LNX1: variants seen among roughly 807,000 people sequenced by gnomAD.
LNX1 encodes the protein E3 ubiquitin-protein ligase LNX.
In LNX1, 54 loss-of-function variants were observed where a neutral mutation model predicts 68.4. The ratio of observed to expected loss-of-function variants is 0.79; its 90% CI spans 0.63 to 0.99. The LOEUF (loss-of-function observed/expected upper bound fraction) is 0.99. Among genes scored for constraint, LNX1 ranks in the 50% least tolerant of loss-of-function variants. The pLI, the probability that LNX1 is intolerant of heterozygous loss-of-function variation, is 0.00. For missense variants in LNX1, 906 were observed against 926.4 expected, an observed-to-expected ratio of 0.98 and a Z score of 0.29; for synonymous variants, 336 against 350.0, an observed-to-expected ratio of 0.96 and a Z score of 0.45.
rs182100290 is a variant in LNX1 at position 53,526,967 on chromosome 4, G to C, written c.381-18740C>G. On this transcript the variant is annotated intron_variant, in intron 2 of 10. Coordinates refer to ENST00000263925, the MANE Select transcript of LNX1 (RefSeq NM_001126328.3). ...ATCATTATGCTAAAGCAATAGAAAT[G>C]AAACACCTAAATGAAGGGTGAGGAA... 7.0e-3 allele frequency among the ~76,000 whole-genome samples: 1,002 copies of C among 143,904 alleles called. 9 individuals carry two copies. The highest frequency in any genetic ancestry group is 0.011 in the Non-Finnish European group (746 of 66,422). 94.4% of individuals were successfully genotyped at this position (143,904 alleles called of 152,430 possible).
At chr4:53,553,539 A>G (rs1729666325) in intron 2 of LNX1, among the ~76,000 whole-genome samples, 1 of 152,208 alleles carries the variant, frequency 6.6e-6, no homozygotes. Context: ...GGCTGTAAAT[A>G]TAGGGCCAGA....
chr4:53,517,033 T>C (rs1726840718), intron 2 of LNX1, among the ~76,000 whole-genome samples: 1 of 152,162 alleles, frequency 6.6e-6, no homozygotes, highest in Admixed American at 6.5e-5. Context: ...ATAGATAGCT[T>C]CCATGGGAGT....
At chr4:53,530,000 C>A (rs1727908540) in intron 2 of LNX1, among the ~76,000 whole-genome samples, 1 of 152,092 alleles carries the variant, frequency 6.6e-6, no homozygotes, top group South Asian at 2.1e-4. Flanking sequence ...GGAAAAAAAA[C>A]TTTCACACTT....
chr4:53,600,950 C>A (rs926683922), intron 2 of LNX1, among the ~76,000 whole-genome samples: 2 of 149,086 alleles, frequency 1.3e-5, no homozygotes, highest in African/African-American at 2.5e-5. Flanking sequence ...TGGCAGTGGG[C>A]GCCTGTAATC....
At chr4:53,643,083 G>A (rs1370366820) in intron 1 of LNX1, among the ~76,000 whole-genome samples, 1 of 152,132 alleles carries the variant, frequency 6.6e-6, no homozygotes, top group African/African-American at 2.4e-5. Context: ...CAATGCACAA[G>A]GCAGCTGCCC....
chr4:53,555,899 T>C (rs1453157422), intron 2 of LNX1, among the ~76,000 whole-genome samples: 3 of 152,124 alleles, frequency 2.0e-5, no homozygotes, highest in East Asian at 3.8e-4. Flanking sequence ...AATTTTTAAG[T>C]GGTATAAGGA....
rs756632786 is a variant in LNX1, at chr4:53,607,215, A to G, written c.-215+9302T>C. ...TATGATTCTACACCTAGAAAATTCC[A>G]TAGTCTTTGCCTAAAAGCTCACTGA... On this transcript the variant is annotated intron_variant, in intron 2 of 3. Coordinates refer to the LNX1 transcript ENST00000504299. Among the ~76,000 whole-genome samples, 3 of 152,214 alleles carry G rather than the reference A, an allele frequency of 2.0e-5. No homozygotes were observed. In the South Asian group the frequency reaches 6.2e-4, roughly 32 times the overall value.
chr4:53,508,255 G>A, intron 2 of LNX1, 28 bp from the exon 3 acceptor site: 2 of 1,605,050 alleles, frequency 1.2e-6, no homozygotes, highest in Non-Finnish European at 1.7e-6. Flanking sequence ...GGGAGGTGAA[G>A]AAGAGCTTTG....
intron 2 of LNX1, chr4:53,558,028 G>A (rs1577711301): frequency 1.2e-6 from 2 of 1,603,758 alleles, no homozygotes; most frequent in Non-Finnish European, 1.7e-6. Context: ...GCCCAAACCA[G>A]CCAAGCTCCT....
chr4:53,587,525 C>CT (rs1732250281), intron 1 of LNX1, among the ~76,000 whole-genome samples: 1 of 152,140 alleles, frequency 6.6e-6, no homozygotes, highest in Admixed American at 6.5e-5. Flanking sequence ...TAGTTGTATG[C>CT]TACTGGGAAG....
intron 2 of LNX1, among the ~76,000 whole-genome samples, chr4:53,554,231 T>C (rs1303800685): frequency 6.6e-6 from 1 of 152,214 alleles, no homozygotes; most frequent in Non-Finnish European, 1.5e-5. Flanking sequence ...GCCACTGGAC[T>C]CTCTCCCCTA....
chr4:53,627,578 C>A (rs1255944072), intron 1 of LNX1, among the ~76,000 whole-genome samples: 1 of 152,102 alleles, frequency 6.6e-6, no homozygotes, highest in East Asian at 1.9e-4. Context: ...TAAAGTGAAT[C>A]CTGTCAAATG....
chr4:53,530,063 A>G (rs927593303), intron 2 of LNX1, among the ~76,000 whole-genome samples: 1 of 152,232 alleles, frequency 6.6e-6, no homozygotes, highest in African/African-American at 2.4e-5. Flanking sequence ...TAAAAATTAA[A>G]TACTTTCTCC....
chr4:53,644,840 C>G (rs1297142972), intron 1 of LNX1, among the ~76,000 whole-genome samples: 12 of 152,122 alleles, frequency 7.9e-5, no homozygotes, highest in Non-Finnish European at 2.9e-5. Flanking sequence ...GCTCAAAGGG[C>G]ATATTTAGTC....
chr4:53,473,795 G>A (rs1260191445), intron 9 of LNX1, among the ~76,000 whole-genome samples: 1 of 152,008 alleles, frequency 6.6e-6, no homozygotes, highest in African/African-American at 2.4e-5. Context: ...ATGTACCCCT[G>A]AACCTAAAAT....
chr4:53,607,979 A>G (rs1260266185), intron 2 of LNX1, among the ~76,000 whole-genome samples: 1 of 152,240 alleles, frequency 6.6e-6, no homozygotes. Flanking sequence ...AGATGAATTA[A>G]GAACTTAAAT....
intron 1 of LNX1, among the ~76,000 whole-genome samples, chr4:53,578,909 C>A (rs1217295262): frequency 6.6e-6 from 1 of 151,246 alleles, no homozygotes; most frequent in East Asian, 2.0e-4. Context: ...GGGAAAGAAC[C>A]AGGTAGACTT....
At chr4:53,558,565 A>T (rs748851486) in intron 2 of LNX1, among the ~76,000 whole-genome samples, 2 of 152,252 alleles carry the variant, frequency 1.3e-5, no homozygotes, top group African/African-American at 4.8e-5. Context: ...CTGCACTGAC[A>T]TATGAAAGAG....
chr4:53,628,019 A>G (rs935096042), intron 1 of LNX1, among the ~76,000 whole-genome samples: 1 of 152,204 alleles, frequency 6.6e-6, no homozygotes, highest in African/African-American at 2.4e-5. Context: ...ATCGGTTTAC[A>G]ACACTCCAAC....
Sources: allele counts gnomAD v4.1 joint callset (sites outside exome capture counted in the v4.1 genomes callset), GRCh38; gene constraint gnomAD v4.1.1; transcripts MANE v1.5; gene names NCBI Gene and HGNC (gene_info 2026-07-23, HGNC 2026-07-21).